UNKL: variants seen among roughly 807,000 people sequenced by gnomAD.
UNKL encodes putative E3 ubiquitin-protein ligase UNKL.
Under a neutral mutation model 78.0 loss-of-function variants are expected in UNKL, and 60 were observed. The ratio of observed to expected loss-of-function variants is 0.77; its 90% confidence interval spans 0.63 to 0.95. The LOEUF (loss-of-function observed/expected upper bound fraction) is 0.95, where lower values mean the gene tolerates loss of function less well. UNKL is among the 40% of genes least tolerant of loss of function. The probability of loss-of-function intolerance (pLI) is 0.00; values close to 1 mark genes in which losing one functional copy is unlikely to be tolerated. For synonymous variants in UNKL, 608 were observed against 474.8 expected (o/e 1.28, Z -3.65); for missense variants, 1,159 against 1,045.7 (o/e 1.11, Z -1.49).
At chr16:1,405,921 G>T (rs1442684454) in intron 2 of UNKL, 1 of 456,482 alleles carries the variant, frequency 2.2e-6, no homozygotes, top group East Asian at 7.0e-5. Flanking sequence ...CCCAAGGAGG[G>T]TCCACCAGAC....
chr16:1,398,534 A>G, intron 5 of UNKL: 2 of 1,327,512 alleles, frequency 1.5e-6, no homozygotes, highest in Non-Finnish European at 9.7e-7. Flanking sequence ...AAGGAAGCAC[A>G]GGTGCTCTCC....
At chr16:1,370,537 G>A (rs541667558) in intron 11 of UNKL, among the ~76,000 whole-genome samples, 180 bp from the exon 12 acceptor site, 30 of 152,284 alleles carry the variant, frequency 2.0e-4, no homozygotes, top group Admixed American at 1.8e-3. Context: ...CAGCGCCCCC[G>A]GTGGCCATGT....
In UNKL at chr16:1,379,315, TCCGCTCCGCTCTC is replaced by T. The variant is rs557091913; in HGVS notation, c.1264+5880_1264+5892del. ...GTTCCCCTGCCCTCTCCTGCCCCGC[TCCGCTCCGCTCTC>T]CTGCCCCGCTCCCCTGCCCTCCCTC... On this transcript the variant is annotated intron_variant, in intron 10 of 14. Transcript: ENST00000389221. 278 of 231,880 alleles carry T rather than the reference TCCGCTCCGCTCTC, an allele frequency of 1.2e-3. 3 individuals carry two copies. Among genetic ancestry groups the T allele is most frequent in the African/African-American group, 5.6e-3 (239 of 42,368 alleles). The allele number at this position is 231,880 out of a possible 1,614,324, so 14.4% of individuals were successfully genotyped here. A position where few individuals can be genotyped will look rare whatever the true frequency, so the allele number is the denominator to read the frequency against.
chr16:1,382,421 C>A, intron 10 of UNKL, among the ~76,000 whole-genome samples: 1 of 152,178 alleles, frequency 6.6e-6, no homozygotes, highest in Non-Finnish European at 1.5e-5. Flanking sequence ...CCAGTGAGGA[C>A]GAAACAAACG....
chr16:1,392,062 C>G (rs1360983656), intron 8 of UNKL, among the ~76,000 whole-genome samples: 1 of 152,224 alleles, frequency 6.6e-6, no homozygotes, highest in Non-Finnish European at 1.5e-5. Flanking sequence ...GGTGCCAGCT[C>G]TGCACTCCCT....
In UNKL at chr16:1,367,187, C is replaced by A; in HGVS notation, c.1951G>T (p.Gly651Trp). The change falls in exon 14 of 15, where the codon GGG becomes TGG. Residue 651 changes from glycine to tryptophan, a missense_variant. Physicochemically the swap from Gly to Trp is radical, Grantham distance 184. Coordinates refer to ENST00000389221, the MANE Select transcript of UNKL (RefSeq NM_001372107.1). ...EGLGVASTLP[G>W]LRGCGDIGTI... The stretch of plus-strand genomic sequence containing the variant: ...CCGATGTCCCCACAGCCCCGCAGCC[C>A]CGGCAGTGTGGAGGCTACGCCCAGG... 1.2e-6 allele frequency: 2 copies of A among 1,606,202 alleles called. No homozygotes were observed. The highest frequency in any genetic ancestry group is 1.3e-5 in the African/African-American group (1 of 74,908).
chr16:1,392,271 C>T (rs375349780), intron 8 of UNKL, among the ~76,000 whole-genome samples: 9 of 152,180 alleles, frequency 5.9e-5, no homozygotes, highest in Non-Finnish European at 8.8e-5. Flanking sequence ...CTTCCTGCCT[C>T]GAAGCCGGGC....
At chr16:1,376,568 C>G (rs565119950) in intron 10 of UNKL, among the ~76,000 whole-genome samples, 1 of 152,224 alleles carries the variant, frequency 6.6e-6, no homozygotes, top group South Asian at 2.1e-4. Context: ...CCACCTCTTC[C>G]GAGTGTCTGT....
rs1308474678 is a variant in UNKL at position 1,387,244 on chromosome 16, A to G, written c.1087-1859T>C. On this transcript the variant is annotated intron_variant, in intron 9 of 14. Transcript: ENST00000389221. The surrounding 1 kb of genome is among the most constrained non-coding windows in gnomAD (Gnocchi z 4.1). ...ACACCGGGGACACTCCCAGCCATGCATGGTGCTGCCAATACCCCCTATCAA... is the reference window on the plus strand; with the variant it reads ...ACACCGGGGACACTCCCAGCCATGCGTGGTGCTGCCAATACCCCCTATCAA... Among the ~76,000 whole-genome samples the G allele has an allele frequency of 6.6e-6, 1 of 152,148 alleles. No individual in the cohort carries two copies. The highest frequency in any genetic ancestry group is 2.4e-5 in the African/African-American group (1 of 41,424).
intron 11 of UNKL, among the ~76,000 whole-genome samples, chr16:1,370,635 G>A (rs934946458): frequency 6.6e-6 from 1 of 152,186 alleles, no homozygotes; most frequent in Admixed American, 6.5e-5. Flanking sequence ...CCCCAAAGAG[G>A]CCGGACACCC....
At chr16:1,398,662 G>A in intron 5 of UNKL, 1 of 1,428,156 alleles carries the variant, frequency 7.0e-7, no homozygotes, top group Non-Finnish European at 9.2e-7. Context: ...CAGGCATCCA[G>A]ACACCCTGTG....
chr16:1,412,263 G>A (rs769651607), intron 2 of UNKL: 5 of 152,194 alleles, frequency 3.3e-5, no homozygotes, highest in African/African-American at 4.8e-5. Flanking sequence ...TAGGAACCTT[G>A]TAAAAAAAGA....
At chr16:1,410,543 G>A (rs1363091910) in intron 2 of UNKL, among the ~76,000 whole-genome samples, 12 of 152,134 alleles carry the variant, frequency 7.9e-5, no homozygotes, top group Non-Finnish European at 1.5e-4. Flanking sequence ...GGAGGTAGAG[G>A]TTGCGGTGAG....
intron 3 of UNKL, among the ~76,000 whole-genome samples, chr16:1,402,773 A>G (rs2037585640): frequency 6.6e-6 from 1 of 152,064 alleles, no homozygotes; most frequent in African/African-American, 2.4e-5. Flanking sequence ...TCACAAGGTC[A>G]GGAAATCGAG....
intron 2 of UNKL, among the ~76,000 whole-genome samples, chr16:1,404,711 C>G (rs1459764368): frequency 6.6e-6 from 1 of 152,198 alleles, no homozygotes; most frequent in Non-Finnish European, 1.5e-5. Context: ...CAGAAACCAC[C>G]CAAGTGGGCG....
intron 10 of UNKL, among the ~76,000 whole-genome samples, chr16:1,377,493 C>T (rs113867005): frequency 2.0e-5 from 3 of 152,012 alleles, no homozygotes; most frequent in Non-Finnish European, 2.9e-5. Flanking sequence ...AAAGGAGACC[C>T]CCCCTCTGCC....
chr16:1,370,756 C>G (rs898426441), intron 11 of UNKL, among the ~76,000 whole-genome samples: 3 of 152,182 alleles, frequency 2.0e-5, no homozygotes, highest in Non-Finnish European at 4.4e-5. Context: ...CACTTTTAGG[C>G]TGAATGAAAA....
In UNKL at chr16:1,403,293, C is replaced by T. The variant is rs2037612775; in HGVS notation, c.339G>A (p.Leu113=). The change falls in exon 3 of 15, where the codon CTG becomes CTA. Residue 113 remains leucine (L), a synonymous_variant. Coordinates refer to ENST00000389221, the MANE Select transcript of UNKL (RefSeq NM_001372107.1). This position sits in a 1 kb window ranked among gnomAD's most constrained non-coding sequence, Gnocchi z 4.8. ...TTGDTERKYH[L]RYYKTGTCIH... ...TGCAGGTTCCTGTTTTGTAGTAACG[C>T]AGGTGGTACTTGCGTTCTGTGTCCC... 2 of 1,614,080 alleles carry T rather than the reference C, an allele frequency of 1.2e-6. No individual in the cohort carries two copies. Among genetic ancestry groups the T allele is most frequent in the Non-Finnish European group, 8.5e-7 (1 of 1,180,044 alleles).
At chr16:1,401,941 A>C (rs2037545317) in intron 3 of UNKL, among the ~76,000 whole-genome samples, 1 of 152,206 alleles carries the variant, frequency 6.6e-6, no homozygotes, top group South Asian at 2.1e-4. Flanking sequence ...TCTGTCCCCC[A>C]GGCTGGAGTG....
Sources: allele counts gnomAD v4.1 joint callset (sites outside exome capture counted in the v4.1 genomes callset), GRCh38; gene constraint gnomAD v4.1.1; non-coding constraint Gnocchi (gnomAD v3.1); transcripts MANE v1.5; gene names NCBI Gene and HGNC (gene_info 2026-07-23, HGNC 2026-07-21).